Variants in SEMA5B observed in about 807,000 individuals in gnomAD.
SEMA5B encodes the protein semaphorin 5B.
In SEMA5B, 66 loss-of-function variants were observed where a neutral mutation model predicts 135.0. The ratio of observed to expected loss-of-function variants is 0.49; its 90% CI spans 0.40 to 0.60. The LOEUF is 0.60. SEMA5B is among the 20% of genes least tolerant of loss of function. The pLI is 0.00. For synonymous variants in SEMA5B, 690 were observed against 639.5 expected (o/e 1.08, Z -1.19); for missense variants, 1,501 against 1,566.3 (o/e 0.96, Z 0.70).
At chr3:122,979,879 G>A (rs1941462920) in intron 1 of SEMA5B, among the ~76,000 whole-genome samples, 1 of 152,192 alleles carries the variant, frequency 6.6e-6, no homozygotes, top group African/African-American at 2.4e-5. Flanking sequence ...CAGAGCACTG[G>A]CAACTCCCCA....
intron 14 of SEMA5B, among the ~76,000 whole-genome samples, chr3:122,915,064 G>A (rs1026392150): frequency 4.6e-5 from 7 of 152,188 alleles, no homozygotes; most frequent in Middle Eastern, 6.8e-3. Flanking sequence ...GCTAGGCCAC[G>A]GCCACACCTC....
chr3:122,919,911 G>T (rs576798146), intron 12 of SEMA5B, among the ~76,000 whole-genome samples: 3 of 152,172 alleles, frequency 2.0e-5, no homozygotes, highest in East Asian at 3.9e-4. Context: ...CACTACACAA[G>T]CTCCCCAGCC....
chr3:123,028,278 G>T (rs1336708329), upstream of SEMA5B, among the ~76,000 whole-genome samples: 2 of 152,206 alleles, frequency 1.3e-5, no homozygotes, highest in Non-Finnish European at 2.9e-5. Flanking sequence ...TGTAAAACGG[G>T]GGAGAGCCGT....
chr3:122,931,278 G>A lies in SEMA5B; in HGVS notation c.475-2220C>T, dbSNP rs548338410. Among the ~76,000 whole-genome samples, 6 of 152,070 alleles carry A rather than the reference G, an allele frequency of 3.9e-5. No homozygotes were observed. In the South Asian group the frequency reaches 1.3e-3, roughly 32 times the overall value. On this transcript the variant is annotated intron_variant, in intron 5 of 22. Coordinates refer to ENST00000357599, the MANE Select transcript of SEMA5B (RefSeq NM_001031702.4). ...TCATCTTTTGAATTCCTGTTACAGA[G>A]GTGAAGATTTTTCCCACTTACCCAC...
At chr3:123,016,055 A>C (rs1217542691) in intron 1 of SEMA5B, among the ~76,000 whole-genome samples, 1 of 152,204 alleles carries the variant, frequency 6.6e-6, no homozygotes, top group African/African-American at 2.4e-5. Flanking sequence ...ATGCTCACAG[A>C]ATAGGGTCCC....
At chr3:122,961,402 G>T in intron 1 of SEMA5B, 101 bp from the exon 2 acceptor site, 3 of 1,046,154 alleles carry the variant, frequency 2.9e-6, no homozygotes, top group South Asian at 1.7e-5. Context: ...CCACATGGTT[G>T]CTGCTGTGTT....
chr3:122,966,608 G>A (rs1000108285), intron 1 of SEMA5B, among the ~76,000 whole-genome samples: 2 of 149,948 alleles, frequency 1.3e-5, no homozygotes, highest in African/African-American at 4.9e-5. Flanking sequence ...AGGCTGGAGT[G>A]CAGTGGCGTG....
intron 14 of SEMA5B, 25 bp from the exon 15 acceptor site, chr3:122,914,026 A>T: frequency 6.4e-7 from 1 of 1,553,464 alleles, no homozygotes. Flanking sequence ...GGGGACAGAG[A>T]CAGATGCCCC....
At chr3:122,937,793 T>C (rs959648423) in intron 5 of SEMA5B, among the ~76,000 whole-genome samples, 1 of 152,082 alleles carries the variant, frequency 6.6e-6, no homozygotes, top group Non-Finnish European at 1.5e-5. Flanking sequence ...CTATTTCTCT[T>C]CCTCCCTTCA....
At chr3:122,965,413 A>G (rs150834955) in intron 1 of SEMA5B, among the ~76,000 whole-genome samples, 5 of 152,330 alleles carry the variant, frequency 3.3e-5, no homozygotes, top group Non-Finnish European at 5.9e-5. Flanking sequence ...CTCTGGGAAG[A>G]CATTTGTCTT....
chr3:123,022,142 G>A (rs1208265819), intron 1 of SEMA5B, among the ~76,000 whole-genome samples: 1 of 152,190 alleles, frequency 6.6e-6, no homozygotes, highest in Non-Finnish European at 1.5e-5. Flanking sequence ...CACAGATGAA[G>A]AACCCAGTGG....
At chr3:122,951,836 C>T (rs1482172860) in intron 2 of SEMA5B, among the ~76,000 whole-genome samples, 5 of 152,142 alleles carry the variant, frequency 3.3e-5, no homozygotes, top group Non-Finnish European at 5.9e-5. Flanking sequence ...TTGCCCCAAC[C>T]CTTCCTCTCT....
At chr3:122,979,974 G>A (rs1320175412) in intron 1 of SEMA5B, among the ~76,000 whole-genome samples, 2 of 152,182 alleles carry the variant, frequency 1.3e-5, no homozygotes, top group Non-Finnish European at 1.5e-5. Flanking sequence ...TGGGCCATAC[G>A]CAATAGCTCG....
At chr3:122,999,263 G>A (rs1231245540) in intron 1 of SEMA5B, among the ~76,000 whole-genome samples, 2 of 152,042 alleles carry the variant, frequency 1.3e-5, no homozygotes, top group Non-Finnish European at 2.9e-5. Flanking sequence ...TCTCACTCTT[G>A]TCGCCCAGGC....
chr3:122,930,507 G>C (rs1380715029), intron 5 of SEMA5B, among the ~76,000 whole-genome samples: 1 of 152,248 alleles, frequency 6.6e-6, no homozygotes, highest in Non-Finnish European at 1.5e-5. Context: ...CAGGGCTTCT[G>C]GGGACAGAAA....
intron 8 of SEMA5B, 45 bp from the exon 9 acceptor site, chr3:122,926,722 G>A (rs1438802545): frequency 6.3e-7 from 1 of 1,592,026 alleles, no homozygotes. Flanking sequence ...GGCCAGCGGG[G>A]AAGAAGATGG....
intron 1 of SEMA5B, among the ~76,000 whole-genome samples, chr3:122,986,760 G>GA (rs1468059836): frequency 6.6e-6 from 1 of 152,138 alleles, no homozygotes; most frequent in Non-Finnish European, 1.5e-5. Context: ...ACTCAGCCAA[G>GA]AAAAAACTCT....
chr3:122,974,287 C>T (rs1238175839), intron 1 of SEMA5B, among the ~76,000 whole-genome samples: 2 of 152,222 alleles, frequency 1.3e-5, no homozygotes, highest in African/African-American at 4.8e-5. Context: ...AGGTGAGCCC[C>T]CTCGCTCCTG....
At chr3:122,986,180 G>A (rs1941690439) in intron 1 of SEMA5B, among the ~76,000 whole-genome samples, 1 of 152,178 alleles carries the variant, frequency 6.6e-6, no homozygotes, top group Non-Finnish European at 1.5e-5. Context: ...TGTTGTAGAT[G>A]GATTCTTCTG....
Sources: gnomAD v4.1 joint callset for allele counts (sites outside exome capture counted in the v4.1 genomes callset) on GRCh38, gnomAD v4.1.1 for gene constraint, MANE v1.5 for transcripts, NCBI Gene and HGNC (gene_info 2026-07-23, HGNC 2026-07-21) for gene names.